ZFHX3: variants seen among roughly 807,000 people sequenced by gnomAD.
ZFHX3 encodes the protein zinc finger homeobox protein 3.
In ZFHX3, 42 loss-of-function variants were observed where a neutral mutation model predicts 279.1. That is an observed-to-expected ratio of 0.15 (90% confidence interval 0.12 to 0.19). The LOEUF is 0.19. ZFHX3 is among the 10% of genes least tolerant of loss of function. ZFHX3 has a pLI of 1.00. For missense variants in ZFHX3, 4,981 were observed against 4,754.0 expected, an observed-to-expected ratio of 1.05 and a Z score of -1.40; for synonymous variants, 2,293 against 1,957.8, an observed-to-expected ratio of 1.17 and a Z score of -4.52.
At chr16:72,929,675 A>T (rs943007231) in intron 3 of ZFHX3, among the ~76,000 whole-genome samples, 1 of 152,198 alleles carries the variant, frequency 6.6e-6, no homozygotes, top group Non-Finnish European at 1.5e-5. Flanking sequence ...AGGGCCCTCC[A>T]CGCAAGCTGG....
chr16:73,846,977 C>A (rs1229408037), intron 1 of ZFHX3, among the ~76,000 whole-genome samples: 2 of 152,044 alleles, frequency 1.3e-5, no homozygotes, highest in African/African-American at 4.8e-5. Context: ...ACAGTGATTC[C>A]CCTTAGTGCT....
At chr16:73,105,362 T>TACACAC (rs1966284030) in intron 7 of ZFHX3, among the ~76,000 whole-genome samples, 2 of 65,816 alleles carry the variant, frequency 3.0e-5, no homozygotes, top group Non-Finnish European at 6.6e-5. Flanking sequence ...TACACATATA[T>TACACAC]ATACACACAT....
chr16:73,689,817 G>GTTT (rs1302264428), intron 1 of ZFHX3, among the ~76,000 whole-genome samples: 14 of 141,290 alleles, frequency 9.9e-5, no homozygotes, highest in Admixed American at 2.8e-4. Context: ...TTTGTTTTTT[G>GTTT]TTTTTTTTGT....
intron 2 of ZFHX3, among the ~76,000 whole-genome samples, chr16:73,461,127 TTTTAA>T (rs755026594): frequency 6.6e-5 from 10 of 152,254 alleles, no homozygotes; most frequent in Non-Finnish European, 1.2e-4. Flanking sequence ...CTCATCATCC[TTTTAA>T]TTTATGTTTC....
intron 1 of ZFHX3, among the ~76,000 whole-genome samples, chr16:73,056,535 C>A (rs1965560876): frequency 6.6e-6 from 1 of 152,010 alleles, no homozygotes; most frequent in Non-Finnish European, 1.5e-5. Flanking sequence ...TCCTGAAACC[C>A]CCACATGTAA....
chr16:73,000,269 AAAGG>A (rs1300141786), intron 1 of ZFHX3, among the ~76,000 whole-genome samples: 4 of 152,222 alleles, frequency 2.6e-5, no homozygotes, highest in Non-Finnish European at 5.9e-5. Context: ...GCACGCGGTG[AAAGG>A]AAGGAAGGAG....
intron 2 of ZFHX3, among the ~76,000 whole-genome samples, chr16:73,501,511 G>A (rs2143665699): frequency 6.6e-6 from 1 of 152,262 alleles, no homozygotes; most frequent in East Asian, 1.9e-4. Context: ...TGTGTTTTGA[G>A]TCCTTATGAT....
intron 6 of ZFHX3, among the ~76,000 whole-genome samples, chr16:73,140,854 A>T (rs567227942): frequency 6.6e-6 from 1 of 152,284 alleles, no homozygotes; most frequent in East Asian, 1.9e-4. Flanking sequence ...TCTGTCCCAA[A>T]AACAACAAAC....
chr16:72,787,444 T>TGGG lies in ZFHX3; in HGVS notation c.10829_10831dup (p.Pro3610dup). The TGGG allele has an allele frequency of 9.4e-7, 1 of 1,059,602 alleles. No homozygotes were observed. Among genetic ancestry groups the TGGG allele is most frequent in the South Asian group, 2.1e-5 (1 of 47,944 alleles). 65.6% of individuals were successfully genotyped at this position (1,059,602 alleles called of 1,614,324 possible). On this transcript the variant is annotated inframe_insertion, in exon 10 of 10. Coordinates refer to ENST00000268489, the MANE Select transcript of ZFHX3 (RefSeq NM_006885.4). ...TTGCGGCCAAGACTTCCTGGAGGCG[T>TGGG]GGGGGGAAGCGGAGGAGGGGGCGGC...
chr16:73,881,717 A>G (rs2030172759), intron 1 of ZFHX3, among the ~76,000 whole-genome samples: 1 of 151,810 alleles, frequency 6.6e-6, no homozygotes, highest in East Asian at 1.9e-4. Context: ...TACATTTTAG[A>G]TGGAGATGGG....
intron 5 of ZFHX3, among the ~76,000 whole-genome samples, chr16:73,152,352 C>A (rs1047814673): frequency 2.6e-5 from 4 of 152,126 alleles, no homozygotes; most frequent in Non-Finnish European, 5.9e-5. Flanking sequence ...TATTTTTAAC[C>A]CAAATTATTT....
At chr16:73,743,715 C>T (rs1016934208) in intron 1 of ZFHX3, among the ~76,000 whole-genome samples, 1 of 152,054 alleles carries the variant, frequency 6.6e-6, no homozygotes, top group South Asian at 2.1e-4. Context: ...ACTATAAATC[C>T]TTGCTGTGAA....
chr16:73,637,007 A>T (rs2052532735), intron 2 of ZFHX3, among the ~76,000 whole-genome samples: 2 of 152,126 alleles, frequency 1.3e-5, no homozygotes, highest in Admixed American at 6.5e-5. Context: ...AAGATATTAA[A>T]ATATATACAA....
chr16:73,416,743 G>A (rs74455097), intron 3 of ZFHX3, among the ~76,000 whole-genome samples: 1,758 of 148,152 alleles, frequency 0.012, 43 homozygotes, highest in African/African-American at 0.035. Flanking sequence ...GTGCGGTGGC[G>A]GGCGCCTGTA....
Position 72,793,961 on chromosome 16 carries a change from G to A in ZFHX3, c.8721C>T (p.Asp2907=). 12 of 1,614,226 alleles carry A rather than the reference G, an allele frequency of 7.4e-6. No individual in the cohort carries two copies. The highest frequency in any genetic ancestry group is 9.3e-6 in the Non-Finnish European group (11 of 1,180,044). ...CACTGTAGTCCACTGTACCTTCATTGTCATATTCCTTGCTATAAAAGCTCG... is the reference window on the plus strand; with the variant it reads ...CACTGTAGTCCACTGTACCTTCATTATCATATTCCTTGCTATAAAAGCTCG... ...PAPSFYSKEY[D]NEGTVDYSET... is the part of the protein sequence containing the mutation. Residue 2907 remains aspartate (D), a synonymous_variant, in exon 9 of 10, where the codon GAC becomes GAT. Transcript: ENST00000268489. The surrounding 1 kb of genome is among the most constrained non-coding windows in gnomAD (Gnocchi z 4.3).
At chr16:72,960,321 C>G in intron 1 of ZFHX3, 127 bp from the exon 2 acceptor site, 1 of 670,514 alleles carries the variant, frequency 1.5e-6, no homozygotes, top group Non-Finnish European at 2.3e-6. Context: ...GTCCACAACA[C>G]AGAGACACAG....
intron 3 of ZFHX3, among the ~76,000 whole-genome samples, chr16:73,454,176 G>T (rs1365205320): frequency 1.3e-5 from 2 of 152,110 alleles, no homozygotes; most frequent in African/African-American, 4.8e-5. Context: ...TTACACCATT[G>T]TGTTTTGGGA....
chr16:72,874,198 ATTTTT>A (rs565664402), intron 4 of ZFHX3, among the ~76,000 whole-genome samples: 3 of 95,138 alleles, frequency 3.2e-5, no homozygotes, highest in African/African-American at 9.4e-5. Flanking sequence ...GGATTTTTTG[ATTTTT>A]TTTTTTTTTT....
At chr16:73,245,532 A>T (rs1043252715) in intron 5 of ZFHX3, among the ~76,000 whole-genome samples, 7 of 152,212 alleles carry the variant, frequency 4.6e-5, no homozygotes, top group African/African-American at 1.4e-4. Context: ...AAAATAGATG[A>T]TGAATAAGTC....
Sources: gnomAD v4.1 joint callset for allele counts (sites outside exome capture counted in the v4.1 genomes callset) on GRCh38, gnomAD v4.1.1 for gene constraint, Gnocchi (gnomAD v3.1) non-coding constraint, MANE v1.5 for transcripts, NCBI Gene and HGNC (gene_info 2026-07-23, HGNC 2026-07-21) for gene names.